The following GRIN2A variants were observed in gnomAD, a reference collection of about 807,000 sequenced individuals.
GRIN2A encodes the protein glutamate receptor ionotropic, NMDA 2A.
GRIN2A carries 22 observed loss-of-function variants against 113.4 expected under a neutral mutation model. The observed-to-expected ratio is 0.19, with a 90% CI of 0.14 to 0.28. The LOEUF (loss-of-function observed/expected upper bound fraction) is 0.28, where lower values mean the gene tolerates loss of function less well. GRIN2A is among the 10% of genes least tolerant of loss of function. The pLI is 1.00. For missense variants in GRIN2A, 1,502 were observed against 1,887.0 expected, an observed-to-expected ratio of 0.80 and a Z score of 3.78; for synonymous variants, 827 against 738.4, an observed-to-expected ratio of 1.12 and a Z score of -1.94.
chr16:10,078,522 T>A (rs1456620046), intron 2 of GRIN2A, among the ~76,000 whole-genome samples: 1 of 151,524 alleles, frequency 6.6e-6, no homozygotes, highest in African/African-American at 2.4e-5. Context: ...GGGAAGGAGA[T>A]AAGAGCAATA....
At chr16:9,805,439 A>T (rs1596442187) in intron 10 of GRIN2A, 1 of 152,354 alleles carries the variant, frequency 6.6e-6, no homozygotes, top group East Asian at 1.9e-4. Flanking sequence ...ACTGAAAATT[A>T]AAACATCTCT....
At chr16:10,043,197 C>A (rs1397673862) in intron 2 of GRIN2A, among the ~76,000 whole-genome samples, 1 of 152,144 alleles carries the variant, frequency 6.6e-6, no homozygotes, top group Non-Finnish European at 1.5e-5. Flanking sequence ...TAGATATTAT[C>A]ACCCCTACTT....
rs180813855 is a variant in GRIN2A, at chr16:10,030,509, G to C, written c.415-91958C>G. On this transcript the variant is annotated intron_variant, in intron 2 of 12. Coordinates refer to ENST00000330684, the MANE Select transcript of GRIN2A (RefSeq NM_001134407.3). Reference sequence around the variant, plus strand: ...CCTGCCTGCACTTACTGTTGCCCTGGGGGTGAAGATGCTACCTGAAAACCC... The same window carrying C: ...CCTGCCTGCACTTACTGTTGCCCTGCGGGTGAAGATGCTACCTGAAAACCC... Among the ~76,000 whole-genome samples the C allele has an allele frequency of 2.6e-5, 4 of 152,310 alleles. No homozygotes were observed. In the East Asian group the frequency reaches 7.7e-4, roughly 29 times the overall value.
Position 9,970,876 on chromosome 16 carries a change from G to A in GRIN2A, c.415-32325C>T, listed in dbSNP as rs946656568. On this transcript the variant is annotated intron_variant, in intron 2 of 12. Transcript: ENST00000330684. ...GATTTTATGATTTCAGAACAATGTA[G>A]TAAATGTTAAAGTATTACAGAATGC... The A allele has an allele frequency of 2.9e-5, 5 of 174,700 alleles. No homozygotes were observed. The South Asian group carries it at 7.6e-4, about 27-fold the overall frequency. 10.8% of individuals were successfully genotyped at this position (174,700 alleles called of 1,614,324 possible).
At chr16:10,112,849 A>G in intron 2 of GRIN2A, 2 of 578,804 alleles carry the variant, frequency 3.5e-6, no homozygotes, top group East Asian at 3.9e-5. Flanking sequence ...GGTGGCGTCC[A>G]TGGCCTGCAC....
intron 9 of GRIN2A, among the ~76,000 whole-genome samples, chr16:9,825,637 T>G (rs952910584): frequency 1.3e-5 from 2 of 152,180 alleles, no homozygotes; most frequent in Non-Finnish European, 2.9e-5. Flanking sequence ...AAGGGACATC[T>G]GGCAACTGGA....
chr16:10,105,821 G>A (rs1305967580), intron 2 of GRIN2A, among the ~76,000 whole-genome samples: 1 of 152,120 alleles, frequency 6.6e-6, no homozygotes, highest in Non-Finnish European at 1.5e-5. Flanking sequence ...GCAGGAGAAT[G>A]GCTTGAACCC....
At chr16:10,067,166 T>G (rs1307545916) in intron 2 of GRIN2A, among the ~76,000 whole-genome samples, 1 of 152,242 alleles carries the variant, frequency 6.6e-6, no homozygotes, top group East Asian at 1.9e-4. Context: ...TCATCCCCTA[T>G]GCTTTAAAAG....
chr16:9,766,881 G>C (rs1002377443), intron 12 of GRIN2A, among the ~76,000 whole-genome samples: 10 of 152,200 alleles, frequency 6.6e-5, no homozygotes, highest in Admixed American at 2.6e-4. Context: ...CCTGCCCTGT[G>C]CTGCCCAGTT....
intron 2 of GRIN2A, among the ~76,000 whole-genome samples, chr16:9,994,864 G>A (rs776179626): frequency 2.6e-5 from 4 of 152,156 alleles, no homozygotes; most frequent in Non-Finnish European, 5.9e-5. Context: ...CTGGGATCTT[G>A]ATGATGGTGA....
intron 2 of GRIN2A, among the ~76,000 whole-genome samples, chr16:10,151,641 C>T (rs752753173): frequency 9.2e-5 from 14 of 152,194 alleles, no homozygotes; most frequent in Non-Finnish European, 1.8e-4. Flanking sequence ...TCATATCAGG[C>T]TGGAAAATTA....
intron 4 of GRIN2A, among the ~76,000 whole-genome samples, chr16:9,881,354 C>G (rs929437256): frequency 6.6e-6 from 1 of 152,326 alleles, no homozygotes; most frequent in South Asian, 2.1e-4. Context: ...AAGCAAGAAT[C>G]TTGATAACAG....
intron 11 of GRIN2A, among the ~76,000 whole-genome samples, chr16:9,789,089 T>C (rs908254949): frequency 2.0e-5 from 3 of 152,222 alleles, no homozygotes; most frequent in Admixed American, 6.5e-5. Context: ...CTAGGTGCCA[T>C]CAAACTTGTT....
intron 2 of GRIN2A, among the ~76,000 whole-genome samples, chr16:10,004,450 C>T (rs1283617174): frequency 1.3e-5 from 2 of 151,756 alleles, no homozygotes; most frequent in African/African-American, 4.8e-5. Context: ...TTACTACAAA[C>T]CAGGTGGTTT....
chr16:9,977,884 A>G (rs1017345382), intron 2 of GRIN2A, among the ~76,000 whole-genome samples: 1 of 152,218 alleles, frequency 6.6e-6, no homozygotes, highest in Non-Finnish European at 1.5e-5. Flanking sequence ...AAAAATAAAA[A>G]TAAAAAAATA....
At chr16:9,814,452 C>T (rs548549979) in intron 10 of GRIN2A, among the ~76,000 whole-genome samples, 2 of 152,278 alleles carry the variant, frequency 1.3e-5, no homozygotes, top group South Asian at 4.1e-4. Flanking sequence ...ATGAAGTGCT[C>T]AGGTCTGTAG....
At chr16:9,966,240 A>T (rs1466099147) in intron 2 of GRIN2A, among the ~76,000 whole-genome samples, 1 of 152,120 alleles carries the variant, frequency 6.6e-6, no homozygotes, top group Non-Finnish European at 1.5e-5. Context: ...AGTGCCTATT[A>T]GTTACTTTCC....
At chr16:9,900,466 C>T (rs2043899275) in intron 3 of GRIN2A, among the ~76,000 whole-genome samples, 1 of 152,164 alleles carries the variant, frequency 6.6e-6, no homozygotes, top group Admixed American at 6.5e-5. Flanking sequence ...AATACAACCG[C>T]TATGTCTAAA....
In GRIN2A at chr16:9,763,726, T is replaced by C. The variant is rs564962551; in HGVS notation, c.3818A>G (p.Gln1273Arg). ...CTTTTGTAATTGAAGGGCATTGTTC[T>C]GTGCCCAGTCCTGCTGGTAGACCTG... is the stretch of plus-strand genomic sequence containing the variant. ...GEQVYQQDWAQNNALQLQKNK... is the reference protein window; with the variant it reads ...GEQVYQQDWARNNALQLQKNK... Residue 1273 changes from glutamine to arginine, a missense_variant, in exon 13 of 13, where the codon CAG (glutamine) becomes CGG (arginine). Physicochemically the swap from Gln to Arg is conservative, Grantham distance 43 (BLOSUM62 1). This residue lies in a region of GRIN2A where 832 missense variants were observed against 789.7 expected (regional missense o/e 1.05). Coordinates refer to ENST00000330684, the MANE Select transcript of GRIN2A (RefSeq NM_001134407.3). 3 of 1,614,130 alleles carry C rather than the reference T, an allele frequency of 1.9e-6. No homozygotes were observed. The Admixed American group carries it at 5.0e-5, about 27-fold the overall frequency.
Sources: allele counts gnomAD v4.1 joint callset (sites outside exome capture counted in the v4.1 genomes callset), GRCh38; gene constraint gnomAD v4.1.1; regional missense constraint gnomAD v4.1.1; transcripts MANE v1.5; gene names NCBI Gene and HGNC (gene_info 2026-07-23, HGNC 2026-07-21).